The following CTSS variants were observed in gnomAD, a reference collection of about 807,000 sequenced individuals.
CTSS encodes cathepsin S.
In CTSS, 15 loss-of-function variants were observed where a neutral mutation model predicts 39.9. That is an observed-to-expected ratio of 0.38 (90% CI 0.25 to 0.58). The LOEUF is 0.58. Among genes scored for constraint, CTSS ranks in the 20% least tolerant of loss-of-function variants. The pLI is 0.70. For missense variants in CTSS, 250 were observed against 398.2 expected, an observed-to-expected ratio of 0.63 and a Z score of 3.17; for synonymous variants, 126 against 138.2, an observed-to-expected ratio of 0.91 and a Z score of 0.62.
chr1:150,736,626 C>G (rs1373902264), intron 7 of CTSS, among the ~76,000 whole-genome samples: 1 of 152,122 alleles, frequency 6.6e-6, no homozygotes, highest in Non-Finnish European at 1.5e-5. Flanking sequence ...GTCAGTGAGA[C>G]CAAGGAATCC....
At chr1:150,748,469 G>GT (rs980229315) in intron 6 of CTSS, among the ~76,000 whole-genome samples, 5 of 149,506 alleles carry the variant, frequency 3.3e-5, no homozygotes, top group African/African-American at 1.2e-4. Flanking sequence ...TTTCTTTTTT[G>GT]TTTTTTTCTA....
Position 150,747,757 on chromosome 1 carries a change from A to G in CTSS, c.896+20T>C. 6.6e-7 allele frequency: 1 copy of G among 1,505,822 alleles called. No homozygotes were observed. The highest frequency in any genetic ancestry group is 9.2e-7 in the Non-Finnish European group (1 of 1,085,934). The allele number at this position is 1,505,822 out of a possible 1,614,324, so 93.3% of individuals were successfully genotyped here. ...CTCAAATTCCTGATTCCAATTAAATATAAAGTGTAAATATATTACCTGTTT... is the reference window on the plus strand; with the variant it reads ...CTCAAATTCCTGATTCCAATTAAATGTAAAGTGTAAATATATTACCTGTTT... On this transcript the variant is annotated intron_variant, in intron 7 of 7. Coordinates refer to ENST00000368985, the MANE Select transcript of CTSS (RefSeq NM_004079.5).
rs1652531146 is a variant in CTSS at position 150,731,891 on chromosome 1, T to C, written c.*1155A>G. 6.6e-6 allele frequency: 1 copy of C among 152,196 alleles called. No homozygotes were observed. The highest frequency in any genetic ancestry group is 2.1e-4 in the South Asian group (1 of 4,838). 9.4% of individuals were successfully genotyped at this position (152,196 alleles called of 1,614,324 possible). On this transcript the variant is annotated 3_prime_UTR_variant, in exon 8 of 8. Coordinates refer to ENST00000368985, the MANE Select transcript of CTSS (RefSeq NM_004079.5). ...TTTTATGCATTTCTTTACTTTAACA[T>C]AATATAAAAATATGTGTTGAATCCT... is the stretch of plus-strand genomic sequence containing the variant.
intron 7 of CTSS, among the ~76,000 whole-genome samples, chr1:150,734,327 G>T (rs1030882602): frequency 6.6e-6 from 1 of 151,730 alleles, no homozygotes; most frequent in Admixed American, 6.6e-5. Context: ...ACGCCCGGCT[G>T]TATGGTCATC....
At chr1:150,756,935 C>T (rs780357972) in intron 3 of CTSS, among the ~76,000 whole-genome samples, 2 of 152,088 alleles carry the variant, frequency 1.3e-5, no homozygotes, top group Non-Finnish European at 2.9e-5. Context: ...AGGCTAGTCT[C>T]AAACTCCCGA....
chr1:150,740,610 T>C (rs1156351801), intron 7 of CTSS, among the ~76,000 whole-genome samples: 1 of 152,152 alleles, frequency 6.6e-6, no homozygotes, highest in Non-Finnish European at 1.5e-5. Flanking sequence ...GCCAGGATGG[T>C]CTTGATCTCC....
intron 7 of CTSS, among the ~76,000 whole-genome samples, chr1:150,734,517 T>C (rs1320153231): frequency 6.6e-6 from 1 of 152,016 alleles, no homozygotes; most frequent in East Asian, 1.9e-4. Context: ...AGCATGAGCC[T>C]GTAGTCCCAG....
chr1:150,756,945 A>G (rs149731254), intron 3 of CTSS, among the ~76,000 whole-genome samples: 22 of 152,022 alleles, frequency 1.4e-4, no homozygotes, highest in Admixed American at 5.2e-4. Flanking sequence ...CAAACTCCCG[A>G]CCTCAGGTGA....
At chr1:150,763,634 A>G (rs1571108671) in intron 2 of CTSS, among the ~76,000 whole-genome samples, 1 of 151,248 alleles carries the variant, frequency 6.6e-6, no homozygotes, top group East Asian at 1.9e-4. Flanking sequence ...TGTCATTTTT[A>G]TACAAAATAA....
intron 4 of CTSS, 127 bp from the exon 5 acceptor site, chr1:150,752,135 T>G: frequency 2.3e-6 from 2 of 853,086 alleles, no homozygotes; most frequent in Non-Finnish European, 3.6e-6. Flanking sequence ...GCTCCCCCAC[T>G]ACAGTTTCCT....
intron 4 of CTSS, among the ~76,000 whole-genome samples, chr1:150,752,793 C>T (rs1341612744): frequency 6.6e-6 from 1 of 152,120 alleles, no homozygotes; most frequent in African/African-American, 2.4e-5. Context: ...AAATCCAAAA[C>T]TAATTGAAAG....
intron 7 of CTSS, among the ~76,000 whole-genome samples, chr1:150,737,360 C>T (rs1280034490): frequency 6.6e-6 from 1 of 152,148 alleles, no homozygotes; most frequent in Non-Finnish European, 1.5e-5. Context: ...CCTCGGCCTC[C>T]CAAAGTGCTG....
chr1:150,747,690 A>T, intron 7 of CTSS, 87 bp downstream of exon 7: 1 of 858,702 alleles, frequency 1.2e-6, no homozygotes, highest in Non-Finnish European at 1.9e-6. Flanking sequence ...TCGTGATCAT[A>T]ATGATCATCA....
intron 2 of CTSS, among the ~76,000 whole-genome samples, chr1:150,760,337 A>T (rs1478821072): frequency 6.6e-6 from 1 of 152,224 alleles, no homozygotes; most frequent in Non-Finnish European, 1.5e-5. Flanking sequence ...AACAAATTAC[A>T]TATAGAAGGA....
At chr1:150,744,999 A>T (rs16840413) in intron 7 of CTSS, among the ~76,000 whole-genome samples, 1,836 of 152,156 alleles carry the variant, frequency 0.012, 44 homozygotes, top group African/African-American at 0.042. Flanking sequence ...GTTTCATTTT[A>T]AAAAGCTATC....
intron 4 of CTSS, among the ~76,000 whole-genome samples, chr1:150,753,993 C>T (rs1420750000): frequency 1.3e-5 from 2 of 151,948 alleles, no homozygotes; most frequent in Non-Finnish European, 2.9e-5. Context: ...TCCAGTTGTC[C>T]CTCAGTATCC....
chr1:150,765,309 G>A (rs1653352727), intron 1 of CTSS, among the ~76,000 whole-genome samples: 1 of 149,162 alleles, frequency 6.7e-6, no homozygotes, highest in Non-Finnish European at 1.5e-5. Flanking sequence ...TTAATGATCA[G>A]ACATCTGTTT....
intron 3 of CTSS, among the ~76,000 whole-genome samples, chr1:150,757,495 G>C (rs1653157665): frequency 6.6e-6 from 1 of 152,032 alleles, no homozygotes; most frequent in African/African-American, 2.4e-5. Flanking sequence ...CTCCCATTAA[G>C]AAAGCAGATG....
chr1:150,756,590 A>G (rs1653132088), intron 3 of CTSS, among the ~76,000 whole-genome samples: 1 of 152,082 alleles, frequency 6.6e-6, no homozygotes, highest in African/African-American at 2.4e-5. Context: ...GGAACTTTTC[A>G]GCTCCATCAT....
Sources: gnomAD v4.1 joint callset for allele counts (sites outside exome capture counted in the v4.1 genomes callset) on GRCh38, gnomAD v4.1.1 for gene constraint, MANE v1.5 for transcripts, NCBI Gene and HGNC (gene_info 2026-07-23, HGNC 2026-07-21) for gene names.